ADAM12: variants seen among roughly 807,000 people sequenced by gnomAD.
The protein encoded by ADAM12 is ADAM metallopeptidase domain 12.
A neutral mutation model predicts 106.4 loss-of-function variants in ADAM12; 70 were observed. That is an observed-to-expected ratio of 0.66 (90% confidence interval 0.54 to 0.80). The LOEUF (loss-of-function observed/expected upper bound fraction) is 0.80, where lower values mean the gene tolerates loss of function less well. Ranked by LOEUF, ADAM12 falls within the 30% of genes least tolerant of loss-of-function variation. The pLI is 0.00. For synonymous variants in ADAM12, 420 were observed against 433.5 expected (o/e 0.97, Z 0.39); for missense variants, 1,010 against 1,171.9 (o/e 0.86, Z 2.02).
chr10:126,337,219 G>A (rs1180634665), intron 1 of ADAM12, among the ~76,000 whole-genome samples: 2 of 152,214 alleles, frequency 1.3e-5, no homozygotes, highest in East Asian at 3.9e-4. Context: ...CAACAGTGCA[G>A]CCTTCAGTCT....
intron 1 of ADAM12, among the ~76,000 whole-genome samples, chr10:126,383,917 C>T (rs1856570475): frequency 1.3e-5 from 2 of 152,168 alleles, no homozygotes; most frequent in South Asian, 2.1e-4. Context: ...TCTGTACAAG[C>T]TAGCAGGGGC....
intron 1 of ADAM12, among the ~76,000 whole-genome samples, chr10:126,340,720 G>GT (rs34179311): frequency 0.15 from 21,386 of 138,696 alleles, 1,801 homozygotes; most frequent in East Asian, 0.29. Context: ...CTCGTGGCCT[G>GT]TTTTTTTTTT....
At position 126,160,429 on chromosome 10, in the gene ADAM12, C is replaced by T. The variant is rs1956912149; in HGVS notation, c.261-5124G>A. ...AAGATGGGCTTTCTGTTGATCAGCC[C>T]CAGTGCTATGAGCTGGAAAAACAGG... On this transcript the variant is annotated intron_variant, in intron 3 of 22. Coordinates refer to ENST00000448723, the MANE Select transcript of ADAM12 (RefSeq NM_001288973.2). Among the ~76,000 whole-genome samples the T allele has an allele frequency of 1.3e-5, 2 of 152,182 alleles. 1 individual carries two copies. Among genetic ancestry groups the T allele is most frequent in the Admixed American group, 1.3e-4 (2 of 15,280 alleles).
At chr10:126,205,884 T>C (rs1189497361) in intron 3 of ADAM12, among the ~76,000 whole-genome samples, 1 of 152,248 alleles carries the variant, frequency 6.6e-6, no homozygotes, top group African/African-American at 2.4e-5. Flanking sequence ...TCTGGTCATA[T>C]GATTTATTTT....
intron 14 of ADAM12, among the ~76,000 whole-genome samples, chr10:126,061,790 A>G (rs1954760764): frequency 6.6e-6 from 1 of 152,220 alleles, no homozygotes; most frequent in Non-Finnish European, 1.5e-5. Flanking sequence ...AGCCTCCCAA[A>G]GCAATGCTGC....
chr10:126,311,647 T>C (rs1271201565), intron 2 of ADAM12, among the ~76,000 whole-genome samples: 1 of 151,986 alleles, frequency 6.6e-6, no homozygotes, highest in Non-Finnish European at 1.5e-5. Flanking sequence ...TAAAAATCGA[T>C]AATGCCAAAG....
At chr10:126,088,968 C>T (rs1955410794) in intron 11 of ADAM12, among the ~76,000 whole-genome samples, 1 of 152,114 alleles carries the variant, frequency 6.6e-6, no homozygotes, top group Admixed American at 6.5e-5. Flanking sequence ...GAATGATTTG[C>T]ACCCCAGGAG....
chr10:126,091,870 A>G (rs1364892319), intron 11 of ADAM12, among the ~76,000 whole-genome samples: 1 of 151,826 alleles, frequency 6.6e-6, no homozygotes, highest in Non-Finnish European at 1.5e-5. Flanking sequence ...GGGGTCAAAA[A>G]TATTTGTTTA....
At chr10:126,373,554 T>C (rs1295028727) in intron 1 of ADAM12, among the ~76,000 whole-genome samples, 2 of 152,356 alleles carry the variant, frequency 1.3e-5, no homozygotes, top group East Asian at 1.9e-4. Flanking sequence ...CTAGAGGCCA[T>C]GAAATGAGGG....
Position 126,206,689 on chromosome 10 carries a change from A to C in ADAM12, c.261-51384T>G, listed in dbSNP as rs1435632365. On this transcript the variant is annotated intron_variant, in intron 3 of 22. Coordinates refer to ENST00000448723, the MANE Select transcript of ADAM12 (RefSeq NM_001288973.2). ...CCAACATTTCAAGAAAGAAACATGC[A>C]AGAATCATGCTCTGAGTTCTAAGTA... 2.0e-5 allele frequency among the ~76,000 whole-genome samples: 3 copies of C among 152,230 alleles called. No homozygotes were observed. In the East Asian group the frequency reaches 5.8e-4, roughly 29 times the overall value.
intron 3 of ADAM12, among the ~76,000 whole-genome samples, chr10:126,252,118 AT>A (rs1444418441): frequency 7.3e-4 from 23 of 31,478 alleles, no homozygotes; most frequent in African/African-American, 3.0e-3. Flanking sequence ...GATGGATGGG[AT>A]GGATGGATGG....
At chr10:126,258,911 C>G (rs567402284) in intron 3 of ADAM12, among the ~76,000 whole-genome samples, 1 of 152,316 alleles carries the variant, frequency 6.6e-6, no homozygotes, top group South Asian at 2.1e-4. Context: ...TCTCACAGCT[C>G]CACTAGCCTG....
At chr10:126,114,979 AC>A (rs1161574747) in intron 6 of ADAM12, among the ~76,000 whole-genome samples, 1 of 152,168 alleles carries the variant, frequency 6.6e-6, no homozygotes. Context: ...CAAATACCCC[AC>A]CACTACTGTG....
chr10:126,087,333 G>A (rs1955378289), intron 11 of ADAM12, among the ~76,000 whole-genome samples: 1 of 152,138 alleles, frequency 6.6e-6, no homozygotes, highest in Admixed American at 6.5e-5. Context: ...TTCTTGAACT[G>A]TTTTCAAGAA....
chr10:126,209,178 T>C (rs1305750361), intron 3 of ADAM12, among the ~76,000 whole-genome samples: 4 of 152,236 alleles, frequency 2.6e-5, no homozygotes, highest in Non-Finnish European at 5.9e-5. Flanking sequence ...ATCTTCTAAT[T>C]GCTTCTTATG....
intron 1 of ADAM12, among the ~76,000 whole-genome samples, chr10:126,340,840 C>T (rs1243411581): frequency 6.6e-6 from 1 of 151,944 alleles, no homozygotes; most frequent in Admixed American, 6.6e-5. Flanking sequence ...CCTCAGCCTC[C>T]CGAGTAGCTG....
At chr10:126,299,039 T>C (rs557474597) in intron 2 of ADAM12, among the ~76,000 whole-genome samples, 2 of 152,170 alleles carry the variant, frequency 1.3e-5, no homozygotes, top group Non-Finnish European at 2.9e-5. Context: ...GAATATTACT[T>C]TTGACAGCTG....
rs768445713 is a variant in ADAM12, at chr10:126,038,205, GT to G, written c.2349+35del. 51 of 1,537,550 alleles carry G rather than the reference GT, an allele frequency of 3.3e-5. No individual in the cohort carries two copies. The African/African-American group carries it at 6.7e-4, about 20-fold the overall frequency. The stretch of plus-strand genomic sequence containing the variant: ...CGTATTGAAAACCTCATGTCTGCAT[GT>G]GTGCCCTGAGCACTCACATCTACTC... On this transcript the variant is annotated intron_variant, in intron 20 of 22. Transcript: ENST00000448723.
intron 3 of ADAM12, among the ~76,000 whole-genome samples, chr10:126,252,273 A>G (rs1958801273): frequency 7.8e-6 from 1 of 128,942 alleles, no homozygotes; most frequent in African/African-American, 2.9e-5. Flanking sequence ...TGTATTGGAG[A>G]ATGGATTAGA....
Sources: allele counts gnomAD v4.1 joint callset (sites outside exome capture counted in the v4.1 genomes callset), GRCh38; gene constraint gnomAD v4.1.1; transcripts MANE v1.5; gene names NCBI Gene and HGNC (gene_info 2026-07-23, HGNC 2026-07-21).